Variants in SENP5 observed in about 807,000 individuals in gnomAD.
The protein encoded by SENP5 is sentrin-specific protease 5.
Under a neutral mutation model 74.2 loss-of-function variants are expected in SENP5, and 21 were observed. The observed-to-expected ratio is 0.28, with a 90% CI of 0.20 to 0.41. The LOEUF is 0.41. Among genes scored for constraint, SENP5 ranks in the 10% least tolerant of loss-of-function variants. SENP5 has a pLI of 1.00. For synonymous variants in SENP5, 311 were observed against 312.7 expected, an observed-to-expected ratio of 0.99 and a Z score of 0.06; for missense variants, 717 against 889.1, an observed-to-expected ratio of 0.81 and a Z score of 2.46.
chr3:196,900,918 CTG>C (rs1486911645), intron 5 of SENP5, among the ~76,000 whole-genome samples: 1 of 151,846 alleles, frequency 6.6e-6, no homozygotes, highest in Non-Finnish European at 1.5e-5. Context: ...AAGAAAATCA[CTG>C]TGCAATTGTT....
Position 196,931,917 on chromosome 3 carries a change from G to A in SENP5, c.*994G>A, listed in dbSNP as rs1716051785. On this transcript the variant is annotated 3_prime_UTR_variant, in exon 10 of 10. Transcript: ENST00000323460. ...ACTGACTTGAGATGTTTTGCAGGTGGCTGGAGAGAAGAGGGAAGGTAATAG... is the reference window on the plus strand; with the variant it reads ...ACTGACTTGAGATGTTTTGCAGGTGACTGGAGAGAAGAGGGAAGGTAATAG... The A allele has an allele frequency of 8.8e-6, 4 of 454,872 alleles. No individual in the cohort carries two copies. The highest frequency in any genetic ancestry group is 6.2e-5 in the South Asian group (4 of 64,228). 28.2% of individuals were successfully genotyped at this position (454,872 alleles called of 1,614,324 possible).
chr3:196,894,991 C>T lies in SENP5; in HGVS notation c.1514-4675C>T, dbSNP rs536304680. Among the ~76,000 whole-genome samples, 3 of 152,254 alleles carry T rather than the reference C, an allele frequency of 2.0e-5. No homozygotes were observed. In the East Asian group the frequency reaches 5.8e-4, roughly 29 times the overall value. On this transcript the variant is annotated intron_variant, in intron 2 of 9. Coordinates refer to ENST00000323460, the MANE Select transcript of SENP5 (RefSeq NM_152699.5). ...CATTGCTTATGTTTGTTCTTAGATA[C>T]TGTATACCTTCCTTACTGCTGATGG... is the stretch of plus-strand genomic sequence containing the variant.
intron 2 of SENP5, among the ~76,000 whole-genome samples, chr3:196,898,178 T>TA (rs59960385): frequency 2.6e-4 from 37 of 143,426 alleles, no homozygotes; most frequent in Admixed American, 8.4e-4. Flanking sequence ...GGCTTTGTCT[T>TA]AAAAAAAAAG....
chr3:196,932,563 C>T lies in SENP5; in HGVS notation c.*1640C>T, dbSNP rs190740956. 1.3e-5 allele frequency: 2 copies of T among 152,024 alleles called. No homozygotes were observed. Among genetic ancestry groups the T allele is most frequent in the Non-Finnish European group, 2.9e-5 (2 of 68,018 alleles). The allele number at this position is 152,024 out of a possible 1,614,324, so 9.4% of individuals were successfully genotyped here. A position where few individuals can be genotyped will look rare whatever the true frequency, so the allele number is the denominator to read the frequency against. The stretch of plus-strand genomic sequence containing the variant: ...CAGTGTTTCTTACTGTGTTTCAAGT[C>T]GTTAAAAAGACTGAGAGTAGAGGCA... On this transcript the variant is annotated 3_prime_UTR_variant, in exon 10 of 10. Coordinates refer to ENST00000323460, the MANE Select transcript of SENP5 (RefSeq NM_152699.5).
chr3:196,881,865 T>G (rs1713738749), intron 1 of SENP5, among the ~76,000 whole-genome samples: 1 of 151,674 alleles, frequency 6.6e-6, no homozygotes, highest in African/African-American at 2.4e-5. Flanking sequence ...ATGGATGTAA[T>G]ATTTGCTTTT....
At chr3:196,930,635 C>T (rs927331710) in intron 9 of SENP5, among the ~76,000 whole-genome samples, 178 bp from the exon 10 acceptor site, 3 of 152,086 alleles carry the variant, frequency 2.0e-5, no homozygotes, top group African/African-American at 7.2e-5. Flanking sequence ...ATCCTGAAAC[C>T]AACCCCCTCT....
intron 6 of SENP5, among the ~76,000 whole-genome samples, chr3:196,906,133 T>C (rs1362102206): frequency 6.6e-6 from 1 of 151,922 alleles, no homozygotes; most frequent in Non-Finnish European, 1.5e-5. Flanking sequence ...GACAGGAGAA[T>C]CGTTTGAACC....
intron 1 of SENP5, among the ~76,000 whole-genome samples, chr3:196,868,656 G>T (rs937046829): frequency 6.6e-6 from 1 of 152,160 alleles, no homozygotes; most frequent in African/African-American, 2.4e-5. Context: ...GAGAATAGCC[G>T]AGGTGAAATC....
intron 1 of SENP5, among the ~76,000 whole-genome samples, chr3:196,880,839 C>T (rs1162665117): frequency 6.6e-6 from 1 of 151,958 alleles, no homozygotes; most frequent in Non-Finnish European, 1.5e-5. Flanking sequence ...CAGGGTTTCA[C>T]CGTGTTGGCC....
rs145578487 is a variant in SENP5, at chr3:196,872,063, C to T, written c.-32+3990C>T. Among the ~76,000 whole-genome samples the T allele has an allele frequency of 2.5e-3, 376 of 152,228 alleles. 3 individuals carry two copies. The highest frequency in any genetic ancestry group is 8.4e-3 in the African/African-American group (349 of 41,544). Reference sequence around the variant, plus strand: ...CCACACTTGGCCGATATAACTTTTTCGTAGTGAAGCTTCAGTTAACCTGTA... The same window carrying T: ...CCACACTTGGCCGATATAACTTTTTTGTAGTGAAGCTTCAGTTAACCTGTA... On this transcript the variant is annotated intron_variant, in intron 1 of 9. Coordinates refer to ENST00000323460, the MANE Select transcript of SENP5 (RefSeq NM_152699.5).
chr3:196,889,716 C>T (rs1446493173), intron 2 of SENP5, among the ~76,000 whole-genome samples: 1 of 152,138 alleles, frequency 6.6e-6, no homozygotes, highest in Non-Finnish European at 1.5e-5. Flanking sequence ...TCTTCATACT[C>T]ACAAATGAGG....
chr3:196,894,859 CTTG>C (rs1714373967), intron 2 of SENP5, among the ~76,000 whole-genome samples: 1 of 152,054 alleles, frequency 6.6e-6, no homozygotes, highest in Non-Finnish European at 1.5e-5. Flanking sequence ...ATGGTTTTTA[CTTG>C]TTGTTGCATT....
In SENP5 at chr3:196,899,530, G is replaced by C. The variant is rs189241746; in HGVS notation, c.1514-136G>C. 728 of 471,256 alleles carry C rather than the reference G, an allele frequency of 1.5e-3. 3 individuals carry two copies. The highest frequency in any genetic ancestry group is 2.7e-3 in the Admixed American group (77 of 28,008). 29.2% of individuals were successfully genotyped at this position (471,256 alleles called of 1,614,324 possible). A position where few individuals can be genotyped will look rare whatever the true frequency, so the allele number is the denominator to read the frequency against. On this transcript the variant is annotated intron_variant, in intron 2 of 9. Coordinates refer to ENST00000323460, the MANE Select transcript of SENP5 (RefSeq NM_152699.5). Reference sequence around the variant, plus strand: ...CAAAAGACATAACTTTAAAAATATAGTATCAATATTATATAGTAATATAGG... The same window carrying C: ...CAAAAGACATAACTTTAAAAATATACTATCAATATTATATAGTAATATAGG...
At chr3:196,929,391 T>C (rs1310306961) in intron 8 of SENP5, 1 of 403,624 alleles carries the variant, frequency 2.5e-6, no homozygotes, top group African/African-American at 2.1e-5. Context: ...TTTTTACATT[T>C]GATTTCCCAT....
At chr3:196,875,764 C>G (rs1713437023) in intron 1 of SENP5, among the ~76,000 whole-genome samples, 1 of 152,006 alleles carries the variant, frequency 6.6e-6, no homozygotes, top group Non-Finnish European at 1.5e-5. Flanking sequence ...GGGTCTTGCT[C>G]TGTCACCCAA....
chr3:196,902,850 A>T (rs1220912302), intron 5 of SENP5, among the ~76,000 whole-genome samples: 2 of 152,202 alleles, frequency 1.3e-5, no homozygotes, highest in Non-Finnish European at 2.9e-5. Flanking sequence ...TTACTGTAAC[A>T]ACAGGAGTCT....
chr3:196,902,220 A>T (rs1032544804), intron 5 of SENP5, among the ~76,000 whole-genome samples: 2 of 152,250 alleles, frequency 1.3e-5, no homozygotes, highest in Non-Finnish European at 2.9e-5. Flanking sequence ...GGGCTCAAGC[A>T]ATCTTCTCGC....
At chr3:196,926,482 A>C (rs1232035122) in intron 7 of SENP5, among the ~76,000 whole-genome samples, 3 of 19,668 alleles carry the variant, frequency 1.5e-4, no homozygotes, top group East Asian at 1.0e-3. Context: ...ACTCCGTCTC[A>C]AAAAAAAAAA....
intron 1 of SENP5, among the ~76,000 whole-genome samples, chr3:196,868,783 T>C (rs1272803972): frequency 2.0e-5 from 3 of 152,186 alleles, no homozygotes; most frequent in African/African-American, 7.2e-5. Flanking sequence ...TTTGGAGAAT[T>C]AAATGAAGAA....
Sources: gnomAD v4.1 joint callset for allele counts (sites outside exome capture counted in the v4.1 genomes callset) on GRCh38, gnomAD v4.1.1 for gene constraint, MANE v1.5 for transcripts, NCBI Gene and HGNC (gene_info 2026-07-23, HGNC 2026-07-21) for gene names.